Variants in SRRT observed in about 807,000 individuals in gnomAD.
SRRT encodes the protein serrate RNA effector molecule homolog.
In SRRT, 32 loss-of-function variants were observed where a neutral mutation model predicts 103.2. The ratio of observed to expected loss-of-function variants is 0.31; its 90% confidence interval spans 0.23 to 0.42. The LOEUF (loss-of-function observed/expected upper bound fraction) is 0.42. SRRT is among the 10% of genes least tolerant of loss of function. The pLI is 1.00. For synonymous variants in SRRT, 525 were observed against 449.0 expected (o/e 1.17, Z -2.14); for missense variants, 986 against 1,207.5 (o/e 0.82, Z 2.72).
Position 100,887,908 on chromosome 7 carries a change from C to T in SRRT, c.2326+49C>T. 2 of 1,573,074 alleles carry T rather than the reference C, an allele frequency of 1.3e-6. No individual in the cohort carries two copies. Among genetic ancestry groups the T allele is most frequent in the Non-Finnish European group, 1.7e-6 (2 of 1,154,894 alleles). On this transcript the variant is annotated intron_variant, in intron 17 of 19. Transcript: ENST00000611405. This position sits in a 1 kb window ranked among gnomAD's most constrained non-coding sequence, Gnocchi z 4.1. ...GCATGTGCCCTCTTCCTTGACTACCCAGGGACTCCTGTTTCTCTTTAACGT... is the reference window on the plus strand; with the variant it reads ...GCATGTGCCCTCTTCCTTGACTACCTAGGGACTCCTGTTTCTCTTTAACGT...
chr7:100,886,003 C>T, intron 12 of SRRT, 62 bp downstream of exon 12: 3 of 1,560,000 alleles, frequency 1.9e-6, no homozygotes, highest in South Asian at 2.2e-5. Flanking sequence ...CACGGGACCT[C>T]TGTGTGACTT....
In SRRT at chr7:100,885,893, C is replaced by G; in HGVS notation, c.1410C>G (p.Asp470Glu). Reference protein sequence around the residue: ...RFFRRGWVTFDRSVNIKEICW... With the variant: ...RFFRRGWVTFERSVNIKEICW... ...TCCGTCGTGGCTGGGTGACCTTCGACCGCAGTGTTAACATTAAAGAGATCT... is the reference window on the plus strand; with the variant it reads ...TCCGTCGTGGCTGGGTGACCTTCGAGCGCAGTGTTAACATTAAAGAGATCT... Residue 470 changes from aspartate to glutamate, a missense_variant, in exon 12 of 20, where the codon GAC (aspartate) becomes GAG (glutamate). Around this residue, in one of 6 missense-constraint regions of SRRT, gnomAD observed 349 missense variants for 446.9 expected, o/e 0.78. Transcript: ENST00000611405. This position sits in a 1 kb window ranked among gnomAD's most constrained non-coding sequence, Gnocchi z 4.8. The G allele has an allele frequency of 6.2e-7, 1 of 1,614,086 alleles. No individual in the cohort carries two copies. Among genetic ancestry groups the G allele is most frequent in the South Asian group, 1.1e-5 (1 of 91,072 alleles).
rs115994766 is a variant in SRRT, at chr7:100,878,586, G to T, written c.123-2699G>T. On this transcript the variant is annotated intron_variant, in intron 2 of 19. Transcript: ENST00000611405. ...TCCTTCTTGGACAAGGTAGCATAAA[G>T]AAAAGAAAAAAAAGAACCTACCTCT... Among the ~76,000 whole-genome samples, 380 of 151,668 alleles carry T rather than the reference G, an allele frequency of 2.5e-3. 1 individual carries two copies. The highest frequency in any genetic ancestry group is 8.2e-3 in the African/African-American group (340 of 41,418).
chr7:100,881,136 G>A (rs1382224273), intron 2 of SRRT, 149 bp from the exon 3 acceptor site: 15 of 749,014 alleles, frequency 2.0e-5, no homozygotes, highest in South Asian at 6.0e-5. Context: ...TAGGGATGGC[G>A]GGGGGCGGGG....
In SRRT at chr7:100,882,294, G is replaced by A. The variant is rs556475011; in HGVS notation, c.587+53G>A. ...TGCCCTGGCATGTCCCCCTGGCCCCGCTGGTGGAGCCACAGCCCTGTCCTC... is the reference window on the plus strand; with the variant it reads ...TGCCCTGGCATGTCCCCCTGGCCCCACTGGTGGAGCCACAGCCCTGTCCTC... On this transcript the variant is annotated intron_variant, in intron 5 of 19. Transcript: ENST00000611405. This position sits in a 1 kb window ranked among gnomAD's most constrained non-coding sequence, Gnocchi z 4.2. 1,462 of 1,566,302 alleles carry A rather than the reference G, an allele frequency of 9.3e-4. No homozygotes were observed. The highest frequency in any genetic ancestry group is 1.2e-3 in the Non-Finnish European group (1,355 of 1,146,174).
chr7:100,883,836 C>T (rs951272989), intron 5 of SRRT, among the ~76,000 whole-genome samples: 2 of 152,212 alleles, frequency 1.3e-5, no homozygotes, highest in Non-Finnish European at 2.9e-5. Flanking sequence ...TTCCCAAATC[C>T]AGAGCTCTTA....
At position 100,887,742 on chromosome 7, in the gene SRRT, G is replaced by T; in HGVS notation, c.2209G>T (p.Ala737Ser). The T allele has an allele frequency of 6.2e-7, 1 of 1,613,494 alleles. No individual in the cohort carries two copies. The highest frequency in any genetic ancestry group is 8.5e-7 in the Non-Finnish European group (1 of 1,179,472). The change falls in exon 17 of 20, where the codon GCA (alanine) becomes TCA (serine). Residue 737 changes from alanine (A) to serine (S), a missense_variant. By Grantham distance (99) the Ala-to-Ser change is moderately conservative. Coordinates refer to ENST00000611405, the MANE Select transcript of SRRT (RefSeq NM_015908.6). The surrounding 1 kb of genome is among the most constrained non-coding windows in gnomAD (Gnocchi z 4.1). ...FVRKHIFNKH[A>S]EKIEEVKKEV... ...GCGCAAACATATCTTCAACAAGCAT[G>T]CAGAGAAAATTGAGGAAGTGAAAAA...
intron 13 of SRRT, 84 bp from the exon 14 acceptor site, chr7:100,886,711 C>G (rs367678841): frequency 6.8e-7 from 1 of 1,473,742 alleles, no homozygotes; most frequent in Non-Finnish European, 9.4e-7. Context: ...CCTGTCCCCT[C>G]GCTGCTCTTT....
Position 100,881,346 on chromosome 7 carries a change from C to T in SRRT, c.184C>T (p.Arg62Trp), listed in dbSNP as rs748518284. 3.7e-6 allele frequency: 6 copies of T among 1,613,554 alleles called. No homozygotes were observed. The highest frequency in any genetic ancestry group is 1.7e-4 in the Middle Eastern group (1 of 6,056). ...TGAATATCGGGACTATGACCGGAAT[C>T]GGCGAGAGCGCTTCTCGCCACCTCG... Reference protein sequence around the residue: ...RGEYRDYDRNRRERFSPPRHE... With the variant: ...RGEYRDYDRNWRERFSPPRHE... The change falls in exon 3 of 20, where the codon CGG becomes TGG. Residue 62 changes from arginine (R) to tryptophan (W), a missense_variant. By Grantham distance (101) the Arg-to-Trp change is moderately radical. This residue lies in a region of SRRT where 274 missense variants were observed against 358.5 expected (regional missense o/e 0.76). Coordinates refer to ENST00000611405, the MANE Select transcript of SRRT (RefSeq NM_015908.6).
Position 100,882,186 on chromosome 7 carries a change from G to C in SRRT, c.532G>C (p.Asp178His). The C allele has an allele frequency of 6.2e-7, 1 of 1,614,176 alleles. No homozygotes were observed. Among genetic ancestry groups the C allele is most frequent in the East Asian group, 2.2e-5 (1 of 44,886 alleles). The change falls in exon 5 of 20, where the codon GAT becomes CAT. Residue 178 changes from aspartate (D) to histidine (H), a missense_variant. Transcript: ENST00000611405. The surrounding 1 kb of genome is among the most constrained non-coding windows in gnomAD (Gnocchi z 4.2). ...CAAGCGCTATAATGACTACAAGCTG[G>C]ATTTCCGGAGGCAACAGATGCAGGA... Reference protein sequence around the residue: ...AVKRYNDYKLDFRRQQMQDFF... With the variant: ...AVKRYNDYKLHFRRQQMQDFF...
In SRRT at chr7:100,875,358, CG is replaced by C; in HGVS notation, c.-19+31del. On this transcript the variant is annotated intron_variant, in intron 1 of 19. Transcript: ENST00000611405. ...GGGAGGGGAGGAGCCTGGGGGGCCC[CG>C]CTGGGGCGGGAGAGGAACCGGGGTC... 3 of 1,293,964 alleles carry C rather than the reference CG, an allele frequency of 2.3e-6. No individual in the cohort carries two copies. In the South Asian group the frequency reaches 5.0e-5, roughly 22 times the overall value. The allele number at this position is 1,293,964 out of a possible 1,614,324, so 80.2% of individuals were successfully genotyped here.
intron 2 of SRRT, chr7:100,875,998 T>C (rs1172855034): frequency 2.8e-6 from 1 of 358,796 alleles, no homozygotes; most frequent in African/African-American, 2.1e-5. Context: ...TTTGTTTTGT[T>C]ATTGAGATGG....
Position 100,886,367 on chromosome 7 carries a change from C to T in SRRT, c.1579C>T (p.Leu527=). ...VRNDIKLAAK[L]IHTLDDRTQL... is the part of the protein sequence containing the mutation. The stretch of plus-strand genomic sequence containing the variant: ...CAACGACATCAAGCTGGCGGCCAAG[C>T]TGATCCACACGCTGGATGACAGGAC... The change falls in exon 13 of 20, where the codon CTG becomes TTG. Residue 527 remains leucine, a synonymous_variant. Coordinates refer to ENST00000611405, the MANE Select transcript of SRRT (RefSeq NM_015908.6). The T allele has an allele frequency of 1.9e-6, 3 of 1,613,754 alleles. No individual in the cohort carries two copies. Among genetic ancestry groups the T allele is most frequent in the Non-Finnish European group, 2.5e-6 (3 of 1,180,018 alleles).
At chr7:100,878,956 C>G (rs895664289) in intron 2 of SRRT, among the ~76,000 whole-genome samples, 47 of 141,098 alleles carry the variant, frequency 3.3e-4, no homozygotes, top group Middle Eastern at 3.5e-3. Flanking sequence ...TCTTTTCTTT[C>G]TTTCTTTCAT....
chr7:100,877,130 A>G (rs1313040349), intron 2 of SRRT, among the ~76,000 whole-genome samples: 1 of 151,986 alleles, frequency 6.6e-6, no homozygotes, highest in Non-Finnish European at 1.5e-5. Flanking sequence ...AAGAGTTAAA[A>G]AAAAAAAGCC....
In SRRT at chr7:100,885,513, C is replaced by A; in HGVS notation, c.1317+143C>A. 9.0e-7 allele frequency: 1 copy of A among 1,109,126 alleles called. No homozygotes were observed. Among genetic ancestry groups the A allele is most frequent in the Non-Finnish European group, 1.3e-6 (1 of 777,488 alleles). The allele number at this position is 1,109,126 out of a possible 1,614,324, so 68.7% of individuals were successfully genotyped here. The stretch of plus-strand genomic sequence containing the variant: ...CCCCAGGTTCCATGGCCTCCGAGGA[C>A]TAGTCCTGATAGCGCCATTGGCTTT... On this transcript the variant is annotated intron_variant, in intron 10 of 19. Coordinates refer to ENST00000611405, the MANE Select transcript of SRRT (RefSeq NM_015908.6). The surrounding 1 kb of genome is among the most constrained non-coding windows in gnomAD (Gnocchi z 4.8).
In SRRT at chr7:100,882,487, G is replaced by T. The variant is rs1455962237; in HGVS notation, c.587+246G>T. The T allele has an allele frequency of 4.6e-6, 2 of 436,408 alleles. No individual in the cohort carries two copies. The highest frequency in any genetic ancestry group is 8.3e-6 in the Non-Finnish European group (2 of 242,034). The allele number at this position is 436,408 out of a possible 1,614,324, so 27.0% of individuals were successfully genotyped here. ...TGGGACACCTCCAGGCAGCAGGCCAGAGCCACTTGGCCCCTTGGGGCAGCA... is the reference window on the plus strand; with the variant it reads ...TGGGACACCTCCAGGCAGCAGGCCATAGCCACTTGGCCCCTTGGGGCAGCA... On this transcript the variant is annotated intron_variant, in intron 5 of 19. Transcript: ENST00000611405. The surrounding 1 kb of genome is among the most constrained non-coding windows in gnomAD (Gnocchi z 4.2).
chr7:100,875,678 G>A lies in SRRT; in HGVS notation c.88G>A (p.Asp30Asn). 3.1e-6 allele frequency: 5 copies of A among 1,614,150 alleles called. No homozygotes were observed. Among genetic ancestry groups the A allele is most frequent in the Non-Finnish European group, 4.2e-6 (5 of 1,179,992 alleles). ...CGACTACGACCGTTCCCGCGAGAGA[G>A]ATGAAAGACGTCGAGGGGACGATTG... ...RSDYDRSRERDERRRGDDWND... is the reference protein window; with the variant it reads ...RSDYDRSRERNERRRGDDWND... The change falls in exon 2 of 20, where the codon GAT (aspartate) becomes AAT (asparagine). Residue 30 changes from aspartate to asparagine, a missense_variant. This residue lies in a region of SRRT where 274 missense variants were observed against 358.5 expected (regional missense o/e 0.76). Coordinates refer to ENST00000611405, the MANE Select transcript of SRRT (RefSeq NM_015908.6).
chr7:100,885,654 G>A lies in SRRT; in HGVS notation c.1318-47G>A, dbSNP rs1365886136. 14 of 1,562,380 alleles carry A rather than the reference G, an allele frequency of 9.0e-6. No homozygotes were observed. The highest frequency in any genetic ancestry group is 1.4e-5 in the African/African-American group (1 of 73,662). ...GCAGTGGGGGATTGGAGGAAGAAGCGAATGAATCCTTGAGTCACTGTGGGG... is the reference window on the plus strand; with the variant it reads ...GCAGTGGGGGATTGGAGGAAGAAGCAAATGAATCCTTGAGTCACTGTGGGG... On this transcript the variant is annotated intron_variant, in intron 10 of 19. Transcript: ENST00000611405. The surrounding 1 kb of genome is among the most constrained non-coding windows in gnomAD (Gnocchi z 4.8).
Sources: allele counts gnomAD v4.1 joint callset (sites outside exome capture counted in the v4.1 genomes callset), GRCh38; gene constraint gnomAD v4.1.1; regional missense constraint gnomAD v4.1.1; non-coding constraint Gnocchi (gnomAD v3.1); transcripts MANE v1.5; gene names NCBI Gene and HGNC (gene_info 2026-07-23, HGNC 2026-07-21).